Variants in AGBL4 observed in about 807,000 individuals in gnomAD.
AGBL4 encodes the protein cytosolic carboxypeptidase 6.
In AGBL4, 58 loss-of-function variants were observed where a neutral mutation model predicts 66.4. That is an observed-to-expected ratio of 0.87 (90% CI 0.71 to 1.09). The LOEUF is 1.09. Among genes scored for constraint, AGBL4 ranks in the 50% least tolerant of loss-of-function variants. AGBL4 has a pLI of 0.00. For synonymous variants in AGBL4, 234 were observed against 222.9 expected, an observed-to-expected ratio of 1.05 and a Z score of -0.44; for missense variants, 579 against 631.0, an observed-to-expected ratio of 0.92 and a Z score of 0.88.
chr1:49,219,725 T>G (rs1649352447), intron 4 of AGBL4, among the ~76,000 whole-genome samples: 1 of 152,184 alleles, frequency 6.6e-6, no homozygotes, highest in Non-Finnish European at 1.5e-5. Context: ...GCAATGTGTT[T>G]AACTCACTTC....
At position 48,679,237 on chromosome 1, in the gene AGBL4, G is replaced by A. The variant is rs546813771; in HGVS notation, c.635-15996C>T. The stretch of plus-strand genomic sequence containing the variant: ...TCAGAAGGCCTGTGCATAGACACTG[G>A]CTTTTGCAACTACTTTGAGTTGTCT... On this transcript the variant is annotated intron_variant, in intron 6 of 13. Coordinates refer to ENST00000371839, the MANE Select transcript of AGBL4 (RefSeq NM_032785.4). Among the ~76,000 whole-genome samples, 9 of 152,316 alleles carry A rather than the reference G, an allele frequency of 5.9e-5. 1 individual carries two copies. In the South Asian group the frequency reaches 1.5e-3, roughly 25 times the overall value.
At chr1:49,303,317 C>T (rs990806928) in intron 3 of AGBL4, among the ~76,000 whole-genome samples, 1 of 152,114 alleles carries the variant, frequency 6.6e-6, no homozygotes, top group African/African-American at 2.4e-5. Context: ...GCCTTGCCAG[C>T]ATCTGTTTTT....
At chr1:49,380,521 G>A (rs1644578530) in intron 3 of AGBL4, among the ~76,000 whole-genome samples, 2 of 151,974 alleles carry the variant, frequency 1.3e-5, no homozygotes, top group Admixed American at 6.6e-5. Context: ...AACCAAAAAA[G>A]AGCCCGCATC....
chr1:49,635,805 C>A (rs994685312), intron 3 of AGBL4, among the ~76,000 whole-genome samples: 1 of 152,206 alleles, frequency 6.6e-6, no homozygotes, highest in African/African-American at 2.4e-5. Flanking sequence ...GGTACAACTA[C>A]TTAGAAAAAC....
At chr1:49,386,040 T>C (rs1557891568) in intron 3 of AGBL4, among the ~76,000 whole-genome samples, 1 of 152,152 alleles carries the variant, frequency 6.6e-6, no homozygotes. Context: ...TCTCCTCTTG[T>C]AGACACTATA....
intron 3 of AGBL4, among the ~76,000 whole-genome samples, chr1:49,304,112 G>C (rs1156584789): frequency 6.6e-6 from 1 of 152,094 alleles, no homozygotes; most frequent in African/African-American, 2.4e-5. Context: ...ATAGTTTTGG[G>C]TTTTACATTT....
intron 2 of AGBL4, among the ~76,000 whole-genome samples, chr1:49,704,508 A>T (rs972845143): frequency 2.6e-5 from 4 of 151,976 alleles, no homozygotes; most frequent in Non-Finnish European, 5.9e-5. Context: ...TGTAGAAGAA[A>T]ATATAAAAGA....
At chr1:49,370,959 A>T (rs1644328578) in intron 3 of AGBL4, among the ~76,000 whole-genome samples, 1 of 152,194 alleles carries the variant, frequency 6.6e-6, no homozygotes, top group Admixed American at 6.6e-5. Context: ...AAGCCCACAG[A>T]GAACAAAAAC....
chr1:49,304,261 C>T (rs141831328), intron 3 of AGBL4, among the ~76,000 whole-genome samples: 4 of 152,126 alleles, frequency 2.6e-5, no homozygotes, highest in East Asian at 3.9e-4. Context: ...CTTGTTTTGT[C>T]GAAGATCAGA....
intron 5 of AGBL4, among the ~76,000 whole-genome samples, chr1:48,914,759 C>A (rs1477336871): frequency 6.6e-6 from 1 of 152,168 alleles, no homozygotes; most frequent in African/African-American, 2.4e-5. Flanking sequence ...ACTTTGCCTG[C>A]ACTCACCCAG....
chr1:48,704,245 T>C (rs1208459696), intron 6 of AGBL4, among the ~76,000 whole-genome samples: 1 of 152,226 alleles, frequency 6.6e-6, no homozygotes, highest in Non-Finnish European at 1.5e-5. Flanking sequence ...TATAGGGCAC[T>C]TACAGTATAA....
chr1:48,837,741 A>ATATATATATGTATCTATC (rs1391171628), intron 6 of AGBL4, among the ~76,000 whole-genome samples: 1 of 134,844 alleles, frequency 7.4e-6, no homozygotes, highest in African/African-American at 2.9e-5. Flanking sequence ...ATATATATAT[A>ATATATATATGTATCTATC]TCCTGTTAGT....
chr1:49,470,395 A>C (rs1646718054), intron 3 of AGBL4, among the ~76,000 whole-genome samples: 1 of 152,002 alleles, frequency 6.6e-6, no homozygotes, highest in Non-Finnish European at 1.5e-5. Flanking sequence ...GGAGAAACTA[A>C]TTTACTATCC....
chr1:49,620,047 G>A (rs1178707252), intron 3 of AGBL4, among the ~76,000 whole-genome samples: 2 of 152,074 alleles, frequency 1.3e-5, no homozygotes, highest in African/African-American at 2.4e-5. Flanking sequence ...ATACCATTCA[G>A]GACATAAGCA....
Position 48,891,006 on chromosome 1 carries a change from G to A in AGBL4, c.595-23776C>T, listed in dbSNP as rs570265953. Among the ~76,000 whole-genome samples the A allele has an allele frequency of 6.9e-4, 105 of 152,240 alleles. 1 individual carries two copies. In the South Asian group the frequency reaches 0.021, roughly 31 times the overall value. On this transcript the variant is annotated intron_variant, in intron 5 of 13. Coordinates refer to ENST00000371839, the MANE Select transcript of AGBL4 (RefSeq NM_032785.4). ...GATCGTGGCGAAGTGTAGTGTTGGG[G>A]AGCCACAGAAATGGCAGAGACTCAA...
intron 5 of AGBL4, among the ~76,000 whole-genome samples, chr1:48,875,697 A>T (rs1649152997): frequency 6.6e-6 from 1 of 152,192 alleles, no homozygotes; most frequent in Admixed American, 6.5e-5. Context: ...AGGAGCATAT[A>T]AAACTGCAAA....
intron 6 of AGBL4, 83 bp downstream of exon 6, chr1:48,867,108 G>T (rs1648174425): frequency 1.4e-6 from 2 of 1,472,406 alleles, no homozygotes; most frequent in Non-Finnish European, 1.9e-6. Context: ...AAAGAGAAGG[G>T]CAAGAATTGC....
intron 6 of AGBL4, among the ~76,000 whole-genome samples, chr1:48,780,007 C>T (rs1483049239): frequency 6.6e-6 from 1 of 151,944 alleles, no homozygotes; most frequent in Non-Finnish European, 1.5e-5. Flanking sequence ...AGCCACCGCG[C>T]CCGGCCTTTA....
chr1:48,975,166 C>G (rs908019760), intron 5 of AGBL4, among the ~76,000 whole-genome samples: 1 of 152,040 alleles, frequency 6.6e-6, no homozygotes, highest in Non-Finnish European at 1.5e-5. Context: ...ATTGGAATAT[C>G]CCCTCCAAAG....
Sources: allele counts gnomAD v4.1 joint callset (sites outside exome capture counted in the v4.1 genomes callset), GRCh38; gene constraint gnomAD v4.1.1; transcripts MANE v1.5; gene names NCBI Gene and HGNC (gene_info 2026-07-23, HGNC 2026-07-21).